AKAP6: variants seen among roughly 807,000 people sequenced by gnomAD.
The protein encoded by AKAP6 is A-kinase anchoring protein 6, also known as A-kinase anchor protein 6.
Under a neutral mutation model 188.5 loss-of-function variants are expected in AKAP6, and 58 were observed. The ratio of observed to expected loss-of-function variants is 0.31; its 90% CI spans 0.25 to 0.38. The LOEUF is 0.38. Ranked by LOEUF, AKAP6 falls within the 10% of genes least tolerant of loss-of-function variation. AKAP6 has a pLI of 1.00. For synonymous variants in AKAP6, 989 were observed against 998.6 expected (o/e 0.99, Z 0.18); for missense variants, 2,710 against 2,740.0 (o/e 0.99, Z 0.24).
rs1566739674 is a variant in AKAP6 at position 32,823,978 on chromosome 14, A to T, written c.6165A>T (p.Ser2055=). 8 of 1,613,894 alleles carry T rather than the reference A, an allele frequency of 5.0e-6. No individual in the cohort carries two copies. Among genetic ancestry groups the T allele is most frequent in the Non-Finnish European group, 6.8e-6 (8 of 1,179,944 alleles). Residue 2055 remains serine, a synonymous_variant, in exon 13 of 14, where the codon TCA becomes TCT. Transcript: ENST00000280979. ...VFHQKDAEDC[S]VHNFVKEIID... ...ATCAAAAAGATGCCGAAGATTGTTC[A>T]GTACACAACTTTGTTAAGGAAATCA...
intron 12 of AKAP6, among the ~76,000 whole-genome samples, chr14:32,782,172 GGAAA>G (rs1330836971): frequency 4.3e-5 from 5 of 115,088 alleles, no homozygotes; most frequent in Non-Finnish European, 8.5e-5. Context: ...CTCAAAAAAA[GGAAA>G]GAAAGGAAGG....
At position 32,616,463 on chromosome 14, in the gene AKAP6, G is replaced by A. The variant is rs1395559973; in HGVS notation, c.2730+15671G>A. On this transcript the variant is annotated intron_variant, in intron 7 of 13. Coordinates refer to ENST00000280979, the MANE Select transcript of AKAP6 (RefSeq NM_004274.5). Reference sequence around the variant, plus strand: ...TCATGTCCTTTGCAGGAACATAGACGGATCTGGAGGCCATTATCCTTAGCA... The same window carrying A: ...TCATGTCCTTTGCAGGAACATAGACAGATCTGGAGGCCATTATCCTTAGCA... Among the ~76,000 whole-genome samples, 6 of 152,140 alleles carry A rather than the reference G, an allele frequency of 3.9e-5. No individual in the cohort carries two copies. In the East Asian group the frequency reaches 5.8e-4, roughly 15 times the overall value.
intron 4 of AKAP6, among the ~76,000 whole-genome samples, chr14:32,551,527 G>A (rs1244826111): frequency 2.1e-5 from 3 of 145,400 alleles, no homozygotes; most frequent in African/African-American, 5.1e-5. Context: ...GCTTGGGAGC[G>A]TGCCATGGCA....
At chr14:32,446,999 G>A (rs1301948206) in intron 2 of AKAP6, among the ~76,000 whole-genome samples, 1 of 152,068 alleles carries the variant, frequency 6.6e-6, no homozygotes, top group Non-Finnish European at 1.5e-5. Context: ...AACTATTTAA[G>A]ATAATTATGT....
At chr14:32,718,332 G>T (rs75585576) in intron 9 of AKAP6, 2 of 985,234 alleles carry the variant, frequency 2.0e-6, no homozygotes, top group Middle Eastern at 1.0e-3. Flanking sequence ...AAGCCTTAAA[G>T]CCTAAAATCT....
chr14:32,377,602 G>C (rs1888200089), intron 1 of AKAP6, among the ~76,000 whole-genome samples: 1 of 152,156 alleles, frequency 6.6e-6, no homozygotes, highest in Non-Finnish European at 1.5e-5. Flanking sequence ...TCCTAGAAAA[G>C]GGCTGCCCAT....
At chr14:32,667,132 GA>G (rs1888977599) in intron 7 of AKAP6, among the ~76,000 whole-genome samples, 1 of 152,044 alleles carries the variant, frequency 6.6e-6, no homozygotes. Flanking sequence ...GCTTGTAGAG[GA>G]ACCCATTTAT....
At chr14:32,473,704 A>C (rs1878903043) in intron 2 of AKAP6, 1 of 152,268 alleles carries the variant, frequency 6.6e-6, no homozygotes, top group South Asian at 2.1e-4. Flanking sequence ...CTAGTGCTTT[A>C]GATGGTAGGT....
At chr14:32,617,511 A>G (rs1397292391) in intron 7 of AKAP6, among the ~76,000 whole-genome samples, 1 of 152,204 alleles carries the variant, frequency 6.6e-6, no homozygotes, top group African/African-American at 2.4e-5. Context: ...TGTTCTGCAC[A>G]CTGCAATGCT....
intron 9 of AKAP6, among the ~76,000 whole-genome samples, chr14:32,699,210 C>T (rs1890528700): frequency 6.6e-6 from 1 of 152,158 alleles, no homozygotes; most frequent in Non-Finnish European, 1.5e-5. Flanking sequence ...ACTAGAAAAT[C>T]AGCTAGCCTT....
chr14:32,417,426 T>C (rs1889694309), intron 1 of AKAP6, among the ~76,000 whole-genome samples: 1 of 152,220 alleles, frequency 6.6e-6, no homozygotes, highest in South Asian at 2.1e-4. Context: ...TACAGAGACT[T>C]CTTTGGGTTC....
At chr14:32,579,688 A>G (rs1201028488) in intron 5 of AKAP6, among the ~76,000 whole-genome samples, 2 of 152,108 alleles carry the variant, frequency 1.3e-5, no homozygotes, top group East Asian at 3.8e-4. Context: ...TCCTGTTTCC[A>G]TATGAGTCTA....
At chr14:32,681,099 T>A (rs1186605240) in intron 8 of AKAP6, among the ~76,000 whole-genome samples, 1 of 152,316 alleles carries the variant, frequency 6.6e-6, no homozygotes, top group South Asian at 2.1e-4. Context: ...TTTCATCCAA[T>A]AAATATTCAT....
intron 7 of AKAP6, among the ~76,000 whole-genome samples, chr14:32,643,075 T>C (rs1031141270): frequency 3.3e-5 from 5 of 152,302 alleles, no homozygotes; most frequent in East Asian, 1.9e-4. Flanking sequence ...ATAACTCTTA[T>C]GAAACAAATG....
chr14:32,826,946 T>C (rs74041713), intron 13 of AKAP6, among the ~76,000 whole-genome samples: 3,397 of 152,270 alleles, frequency 0.022, 129 homozygotes, highest in African/African-American at 0.079. Flanking sequence ...TGACTTGTTA[T>C]AGGCCTAGAG....
chr14:32,545,522 T>A lies in AKAP6; in HGVS notation c.869T>A (p.Val290Asp). 7 of 1,614,212 alleles carry A rather than the reference T, an allele frequency of 4.3e-6. No homozygotes were observed. Among genetic ancestry groups the A allele is most frequent in the Non-Finnish European group, 5.9e-6 (7 of 1,180,020 alleles). ...ATCTCTACCAATGGCAGTGAAGCAG[T>A]TACTGAGGAGGTATCTCAAGTATCT... ...DSISTNGSEA[V>D]TEEVSQVSLS... Residue 290 changes from valine to aspartate, a missense_variant, in exon 4 of 14, where the codon GTT becomes GAT. By Grantham distance (152) the Val-to-Asp change is radical. Coordinates refer to ENST00000280979, the MANE Select transcript of AKAP6 (RefSeq NM_004274.5).
intron 1 of AKAP6, among the ~76,000 whole-genome samples, chr14:32,352,096 TGTGTGTTTG>T (rs1887297222): frequency 9.5e-6 from 1 of 105,528 alleles, no homozygotes; most frequent in Admixed American, 9.6e-5. Flanking sequence ...TGTGTGTGTG[TGTGTGTTTG>T]TGTGTGTGTG....
chr14:32,520,911 C>T (rs1386768975), intron 2 of AKAP6, among the ~76,000 whole-genome samples: 22 of 152,146 alleles, frequency 1.4e-4, no homozygotes, highest in Non-Finnish European at 2.6e-4. Context: ...AGACCAATAT[C>T]CCTGATGAAC....
At chr14:32,377,165 C>G (rs1472548259) in intron 1 of AKAP6, among the ~76,000 whole-genome samples, 1 of 152,168 alleles carries the variant, frequency 6.6e-6, no homozygotes, top group Non-Finnish European at 1.5e-5. Flanking sequence ...AATTTAAAGT[C>G]GGACTTGGAT....
Sources: allele counts gnomAD v4.1 joint callset (sites outside exome capture counted in the v4.1 genomes callset), GRCh38; gene constraint gnomAD v4.1.1; transcripts MANE v1.5; gene names NCBI Gene and HGNC (gene_info 2026-07-23, HGNC 2026-07-21).